SPON2: variants seen among roughly 807,000 people sequenced by gnomAD.
The protein encoded by SPON2 is spondin-2.
SPON2 carries 32 observed loss-of-function variants against 29.9 expected under a neutral mutation model. The observed-to-expected ratio is 1.07, with a 90% CI of 0.81 to 1.44. SPON2 has a LOEUF of 1.44. SPON2 is among the 40% of genes most tolerant of loss of function. The pLI is 0.00. For synonymous variants in SPON2, 248 were observed against 209.1 expected, an observed-to-expected ratio of 1.19 and a Z score of -1.61; for missense variants, 541 against 455.5, an observed-to-expected ratio of 1.19 and a Z score of -1.71.
chr4:1,177,525 A>T (rs1190539029), upstream of SPON2, among the ~76,000 whole-genome samples: 1 of 151,708 alleles, frequency 6.6e-6, no homozygotes, highest in East Asian at 1.9e-4. Flanking sequence ...AGCCGCGTGG[A>T]GCAGACGGCA....
At chr4:1,187,736 G>A (rs1424282698) in intron 1 of SPON2, among the ~76,000 whole-genome samples, 1 of 152,042 alleles carries the variant, frequency 6.6e-6, no homozygotes, top group Non-Finnish European at 1.5e-5. Context: ...TGCTATCACT[G>A]TCATATAATT....
intron 5 of SPON2, chr4:1,167,882 G>T (rs944652560): frequency 6.5e-6 from 3 of 460,442 alleles, no homozygotes; most frequent in Non-Finnish European, 1.1e-5. Context: ...CTACGTAAGA[G>T]CCGGAGCTGC....
chr4:1,203,452 G>A (rs1460810914), intron 1 of SPON2, among the ~76,000 whole-genome samples: 1 of 152,214 alleles, frequency 6.6e-6, no homozygotes, highest in East Asian at 1.9e-4. Context: ...CTTTTTACGG[G>A]TGAAGAATAG....
chr4:1,201,945 A>C (rs950315007), intron 1 of SPON2, among the ~76,000 whole-genome samples: 3 of 152,182 alleles, frequency 2.0e-5, no homozygotes, highest in Non-Finnish European at 4.4e-5. Flanking sequence ...AAACAGCTTC[A>C]TTGAGATGAA....
upstream of SPON2, among the ~76,000 whole-genome samples, chr4:1,177,935 A>G (rs376919498): frequency 6.6e-6 from 1 of 152,164 alleles, no homozygotes; most frequent in Non-Finnish European, 1.5e-5. Flanking sequence ...CCTGCTGCGC[A>G]TTTGAAAACC....
intron 1 of SPON2, among the ~76,000 whole-genome samples, chr4:1,189,833 CA>C (rs1189604985): frequency 6.7e-6 from 1 of 149,124 alleles, no homozygotes; most frequent in Non-Finnish European, 1.5e-5. Context: ...CTAAAAAATA[CA>C]AAAAACTAGC....
chr4:1,195,108 G>GC (rs1728034193), exon 1 of SPON2: 1 of 146,108 alleles, frequency 6.8e-6, no homozygotes. Flanking sequence ...GCAGCCGGCG[G>GC]CTCCAACCCC....
chr4:1,201,325 G>A (rs890427963), intron 1 of SPON2: 4 of 352,756 alleles, frequency 1.1e-5, no homozygotes, highest in Non-Finnish European at 2.3e-5. Context: ...GCACTTCCAA[G>A]CCCCTTGCTC....
At chr4:1,195,931 C>T (rs1239297797), upstream of SPON2, among the ~76,000 whole-genome samples, 4 of 152,176 alleles carry the variant, frequency 2.6e-5, no homozygotes, top group East Asian at 7.7e-4. Context: ...CCACGCCTGG[C>T]CACGCGCCTT....
rs377135624 is a variant in SPON2, at chr4:1,167,517, G to A, written c.951C>T (p.Pro317=). 6.2e-7 allele frequency: 1 copy of A among 1,613,786 alleles called. No individual in the cohort carries two copies. The highest frequency in any genetic ancestry group is 1.3e-5 in the African/African-American group (1 of 75,042). ...CGCACTCAGCCTCTTCTTCGAGCTC[G>A]GGGCAGGGGCTCCCGTTGTTGGCGG... ...VQPANNGSPC[P]ELEEEAECVP... The change falls in exon 6 of 6, where the codon CCC becomes CCT. Residue 317 remains proline, a synonymous_variant. Transcript: ENST00000290902.
At position 1,167,399 on chromosome 4, in the gene SPON2, C is replaced by T; in HGVS notation, c.*73G>A. 2.0e-6 allele frequency: 3 copies of T among 1,471,142 alleles called. No homozygotes were observed. Among genetic ancestry groups the T allele is most frequent in the South Asian group, 2.6e-5 (2 of 75,946 alleles). 91.1% of individuals were successfully genotyped at this position (1,471,142 alleles called of 1,614,324 possible). A position where few individuals can be genotyped will look rare whatever the true frequency, so the allele number is the denominator to read the frequency against. On this transcript the variant is annotated 3_prime_UTR_variant, in exon 6 of 6. Coordinates refer to ENST00000290902, the MANE Select transcript of SPON2 (RefSeq NM_012445.4). ...AACCCCCTGTGCCCTCGGCCGCCTG[C>T]AGCATGAGCCTGCACAGGAGCCCCC...
chr4:1,170,025 A>G, intron 5 of SPON2: 1 of 230,496 alleles, frequency 4.3e-6, no homozygotes, highest in South Asian at 5.4e-5. Context: ...AGACCCCCAC[A>G]GGTGCCCTGC....
At chr4:1,193,086 C>G (rs898540601) in intron 1 of SPON2, among the ~76,000 whole-genome samples, 1 of 152,196 alleles carries the variant, frequency 6.6e-6, no homozygotes, top group Non-Finnish European at 1.5e-5. Flanking sequence ...CGTACACATG[C>G]CCGACACAGC....
At chr4:1,190,829 G>C (rs1168959959) in intron 1 of SPON2, among the ~76,000 whole-genome samples, 2 of 152,078 alleles carry the variant, frequency 1.3e-5, no homozygotes, top group Non-Finnish European at 2.9e-5. Context: ...ATATGAAAAT[G>C]AAATTAAGAA....
At chr4:1,170,847 T>G in intron 4 of SPON2, 152 bp downstream of exon 4, 1 of 1,157,926 alleles carries the variant, frequency 8.6e-7, no homozygotes, top group Non-Finnish European at 1.3e-6. Context: ...CTGCACCCCC[T>G]TGCTCACTGC....
intron 1 of SPON2, among the ~76,000 whole-genome samples, chr4:1,187,023 G>A (rs1727819277): frequency 6.6e-6 from 1 of 152,166 alleles, no homozygotes; most frequent in South Asian, 2.1e-4. Flanking sequence ...TTGCAACTGT[G>A]GGTATATACC....
At chr4:1,172,105 T>G in intron 1 of SPON2, 31 bp from the exon 2 acceptor site, 4 of 1,585,884 alleles carry the variant, frequency 2.5e-6, no homozygotes, top group Non-Finnish European at 2.6e-6. Context: ...AGCCGCGCGC[T>G]GGCACCGTCG....
At chr4:1,172,357 G>A (rs2153077219) in intron 1 of SPON2, 187 bp downstream of exon 1, 3 of 542,368 alleles carry the variant, frequency 5.5e-6, no homozygotes, top group African/African-American at 1.9e-5. Context: ...TGCGGCCTCC[G>A]GGATGCCTTC....
chr4:1,188,313 A>C (rs546323740), intron 1 of SPON2, among the ~76,000 whole-genome samples: 7 of 152,222 alleles, frequency 4.6e-5, no homozygotes, highest in South Asian at 2.1e-4. Context: ...AACAAAAAAA[A>C]CCTAAGATAT....
Sources: allele counts gnomAD v4.1 joint callset (sites outside exome capture counted in the v4.1 genomes callset), GRCh38; gene constraint gnomAD v4.1.1; transcripts MANE v1.5; gene names NCBI Gene and HGNC (gene_info 2026-07-23, HGNC 2026-07-21).